Variants in RPRD2 observed in about 807,000 individuals in gnomAD.
RPRD2 encodes regulation of nuclear pre-mRNA domain containing 2, also known as regulation of nuclear pre-mRNA domain-containing protein 2.
A neutral mutation model predicts 104.4 loss-of-function variants in RPRD2; 12 were observed. The ratio of observed to expected loss-of-function variants is 0.11; its 90% CI spans 0.07 to 0.19. The LOEUF is 0.19. Ranked by LOEUF, RPRD2 falls within the 10% of genes least tolerant of loss-of-function variation. The pLI is 1.00. For synonymous variants in RPRD2, 714 were observed against 684.9 expected, an observed-to-expected ratio of 1.04 and a Z score of -0.66; for missense variants, 1,543 against 1,790.1, an observed-to-expected ratio of 0.86 and a Z score of 2.49.
intron 7 of RPRD2, among the ~76,000 whole-genome samples, chr1:150,455,664 T>G (rs1046147322): frequency 6.6e-6 from 1 of 150,990 alleles, no homozygotes; most frequent in Non-Finnish European, 1.5e-5. Context: ...ATCTAAAGTA[T>G]GGACTTTTGT....
Position 150,401,386 on chromosome 1 carries a change from G to A in RPRD2, c.206-16210G>A, listed in dbSNP as rs144190106. Among the ~76,000 whole-genome samples the A allele has an allele frequency of 3.0e-4, 45 of 151,822 alleles. 1 individual carries two copies. The highest frequency in any genetic ancestry group is 2.3e-3 in the Admixed American group (35 of 15,262). On this transcript the variant is annotated intron_variant, in intron 1 of 10. Transcript: ENST00000369068. ...GCCTGTAGTTACAGCTACTCGGGAC[G>A]CCAAGGCAGAAGAATTGCTTGAACC...
At chr1:150,441,114 GA>G (rs1666379618) in intron 3 of RPRD2, 91 bp downstream of exon 3, 5 of 607,892 alleles carry the variant, frequency 8.2e-6, no homozygotes, top group Non-Finnish European at 1.4e-5. Context: ...GTATAATAGT[GA>G]AAAATTAAGT....
At chr1:150,374,383 C>T (rs911560621) in intron 1 of RPRD2, among the ~76,000 whole-genome samples, 5 of 152,132 alleles carry the variant, frequency 3.3e-5, no homozygotes, top group Non-Finnish European at 7.3e-5. Context: ...TTGTTATGTC[C>T]TTTATAATTA....
rs372454984 is a variant in RPRD2 at position 150,472,263 on chromosome 1, C to T, written c.3315C>T (p.Thr1105=). The T allele has an allele frequency of 7.7e-5, 124 of 1,613,728 alleles. No individual in the cohort carries two copies. The highest frequency in any genetic ancestry group is 1.0e-4 in the Non-Finnish European group (121 of 1,179,854). The change falls in exon 11 of 11, where the codon ACC becomes ACT. Residue 1105 remains threonine (T), a synonymous_variant. Transcript: ENST00000369068. ...NRRMSGEPIQ[T]VESIRVPGKG... The stretch of plus-strand genomic sequence containing the variant: ...GGATGTCAGGGGAGCCGATCCAGAC[C>T]GTAGAGTCCATCCGAGTTCCTGGGA...
intron 1 of RPRD2, among the ~76,000 whole-genome samples, chr1:150,414,990 T>C (rs1664227612): frequency 6.6e-6 from 1 of 152,142 alleles, no homozygotes; most frequent in Non-Finnish European, 1.5e-5. Flanking sequence ...CATATACATA[T>C]GTTGAGAGAC....
chr1:150,364,960 A>G (rs1560137088), intron 1 of RPRD2, 41 bp downstream of exon 1: 2 of 1,601,974 alleles, frequency 1.2e-6, no homozygotes, highest in East Asian at 2.2e-5. Context: ...GACTGGGGAA[A>G]TGGAAGGAAG....
intron 1 of RPRD2, among the ~76,000 whole-genome samples, chr1:150,374,670 C>T (rs1425202324): frequency 2.0e-5 from 3 of 152,142 alleles, no homozygotes; most frequent in African/African-American, 7.2e-5. Context: ...GGAGAACTCT[C>T]ATACATTTGG....
chr1:150,404,920 C>T (rs1663349344), intron 1 of RPRD2, among the ~76,000 whole-genome samples: 1 of 152,158 alleles, frequency 6.6e-6, no homozygotes, highest in Non-Finnish European at 1.5e-5. Context: ...GCTTATTAGT[C>T]CCTTGAATTC....
intron 7 of RPRD2, among the ~76,000 whole-genome samples, chr1:150,455,684 T>C (rs902159024): frequency 3.3e-5 from 5 of 151,794 alleles, no homozygotes; most frequent in Non-Finnish European, 5.9e-5. Context: ...TTAATAATTA[T>C]GAATATTGAT....
intron 2 of RPRD2, among the ~76,000 whole-genome samples, chr1:150,436,844 G>A (rs1265077211): frequency 2.7e-5 from 4 of 149,068 alleles, no homozygotes; most frequent in Admixed American, 1.3e-4. Context: ...GGCAGAGGTC[G>A]CAGTGAGCTG....
At position 150,473,841 on chromosome 1, in the gene RPRD2, G is replaced by C. The variant is rs992420559; in HGVS notation, c.*507G>C. 1 of 152,328 alleles carries C rather than the reference G, an allele frequency of 6.6e-6. No homozygotes were observed. The highest frequency in any genetic ancestry group is 1.5e-5 in the Non-Finnish European group (1 of 68,146). 9.4% of individuals were successfully genotyped at this position (152,328 alleles called of 1,614,324 possible). On this transcript the variant is annotated 3_prime_UTR_variant, in exon 11 of 11. Transcript: ENST00000369068. ...GCTCGGCTCCCTTCCCTGTGTATCTGTGTCCTGCTAACAGCCAAGAGATGT... is the reference window on the plus strand; with the variant it reads ...GCTCGGCTCCCTTCCCTGTGTATCTCTGTCCTGCTAACAGCCAAGAGATGT...
intron 2 of RPRD2, among the ~76,000 whole-genome samples, chr1:150,427,036 T>C (rs1035947815): frequency 6.6e-6 from 1 of 152,076 alleles, no homozygotes; most frequent in African/African-American, 2.4e-5. Context: ...TTCCAGCTTC[T>C]TGGGAGGCTG....
Position 150,474,930 on chromosome 1 carries a change from C to G in RPRD2, c.*1596C>G, listed in dbSNP as rs1668814216. On this transcript the variant is annotated 3_prime_UTR_variant, in exon 11 of 11. Transcript: ENST00000369068. ...CAGAAAATGATTCTCTCAGAATGAA[C>G]TTTTCAGAGAAAGAGCAGCATAAAC... 1 of 152,110 alleles carries G rather than the reference C, an allele frequency of 6.6e-6. No individual in the cohort carries two copies. Among genetic ancestry groups the G allele is most frequent in the Non-Finnish European group, 1.5e-5 (1 of 68,020 alleles). 9.4% of individuals were successfully genotyped at this position (152,110 alleles called of 1,614,324 possible).
intron 8 of RPRD2, 113 bp from the exon 9 acceptor site, chr1:150,459,947 C>G: frequency 1.2e-5 from 10 of 862,498 alleles, no homozygotes; most frequent in Non-Finnish European, 1.8e-6. Flanking sequence ...GTTGTTTTCT[C>G]TAAAGTAGTG....
intron 1 of RPRD2, among the ~76,000 whole-genome samples, chr1:150,381,652 C>T (rs1661140369): frequency 6.6e-6 from 1 of 151,910 alleles, no homozygotes; most frequent in Non-Finnish European, 1.5e-5. Context: ...CTACAGGCGC[C>T]CACCACTGCG....
At chr1:150,376,317 CAGAG>C (rs1223121039) in intron 1 of RPRD2, among the ~76,000 whole-genome samples, 1 of 151,780 alleles carries the variant, frequency 6.6e-6, no homozygotes, top group African/African-American at 2.4e-5. Flanking sequence ...AATCCATTAG[CAGAG>C]AGAGAGAGTG....
rs1283974060 is a variant in RPRD2, at chr1:150,471,281, A to G, written c.2333A>G (p.Tyr778Cys). 6.2e-7 allele frequency: 1 copy of G among 1,613,548 alleles called. No individual in the cohort carries two copies. Among genetic ancestry groups the G allele is most frequent in the Non-Finnish European group, 8.5e-7 (1 of 1,179,812 alleles). ...RSPPPGRDES[Y>C]PRELSNSVST... ...CCACCCCCTGGGAGAGATGAAAGCT[A>G]CCCCCGAGAGCTCTCCAATTCTGTA... Residue 778 changes from tyrosine to cysteine, a missense_variant, in exon 11 of 11, where the codon TAC (tyrosine) becomes TGC (cysteine). Transcript: ENST00000369068. The surrounding 1 kb of genome is among the most constrained non-coding windows in gnomAD (Gnocchi z 5.3).
chr1:150,380,626 C>T (rs1450457358), intron 1 of RPRD2, among the ~76,000 whole-genome samples: 2 of 151,694 alleles, frequency 1.3e-5, no homozygotes, highest in African/African-American at 4.8e-5. Flanking sequence ...GGGATTAAGG[C>T]GTGAGCCACC....
At chr1:150,411,199 C>A (rs1553887551) in intron 1 of RPRD2, among the ~76,000 whole-genome samples, 3 of 152,140 alleles carry the variant, frequency 2.0e-5, no homozygotes, top group African/African-American at 7.2e-5. Flanking sequence ...GTGGCTCATG[C>A]CTGTAATCCC....
Sources: gnomAD v4.1 joint callset for allele counts (sites outside exome capture counted in the v4.1 genomes callset) on GRCh38, gnomAD v4.1.1 for gene constraint, Gnocchi (gnomAD v3.1) non-coding constraint, MANE v1.5 for transcripts, NCBI Gene and HGNC (gene_info 2026-07-23, HGNC 2026-07-21) for gene names.